LGSN: variants seen among roughly 807,000 people sequenced by gnomAD.
The protein encoded by LGSN is lengsin.
A neutral mutation model predicts 19.5 loss-of-function variants in LGSN; 21 were observed. That is an observed-to-expected ratio of 1.07 (90% confidence interval 0.76 to 1.55). The LOEUF (loss-of-function observed/expected upper bound fraction) is 1.55. Among genes scored for constraint, LGSN ranks in the 40% most tolerant of loss-of-function variants. LGSN has a pLI of 0.00. For synonymous variants in LGSN, 257 were observed against 215.6 expected, an observed-to-expected ratio of 1.19 and a Z score of -1.68; for missense variants, 673 against 608.5, an observed-to-expected ratio of 1.11 and a Z score of -1.12.
the LGSN span, among the ~76,000 whole-genome samples, chr6:63,351,113 TAA>T: frequency 6.6e-6 from 1 of 152,048 alleles, no homozygotes; most frequent in African/African-American, 2.4e-5. Flanking sequence ...AGTGTCTTTA[TAA>T]AAGAGACCCC....
chr6:63,490,045 A>C, the LGSN span, among the ~76,000 whole-genome samples: 32 of 152,208 alleles, frequency 2.1e-4, no homozygotes, highest in Non-Finnish European at 3.4e-4. Context: ...ATAATTGAGA[A>C]AATGCTATCT....
the LGSN span, among the ~76,000 whole-genome samples, chr6:63,511,254 T>TG: frequency 5.7e-5 from 2 of 35,242 alleles, no homozygotes; most frequent in Non-Finnish European, 9.4e-5. Flanking sequence ...TTCTTTTTTT[T>TG]TTTTTTTTTT....
At chr6:63,450,012 GC>G in the LGSN span, among the ~76,000 whole-genome samples, 1 of 151,964 alleles carries the variant, frequency 6.6e-6, no homozygotes, top group Non-Finnish European at 1.5e-5. Flanking sequence ...AAAGAACAAA[GC>G]CCTCATCTTC....
the LGSN span, among the ~76,000 whole-genome samples, chr6:63,552,303 ATG>A: frequency 6.6e-6 from 1 of 151,932 alleles, no homozygotes; most frequent in Non-Finnish European, 1.5e-5. Flanking sequence ...GCATTTTTTC[ATG>A]TGTTTTTTTG....
At chr6:63,452,152 T>TATTCC in the LGSN span, among the ~76,000 whole-genome samples, 3 of 151,798 alleles carry the variant, frequency 2.0e-5, no homozygotes, top group Non-Finnish European at 4.4e-5. Context: ...GAAGAGTTTG[T>TATTCC]GGAGAATTAG....
chr6:63,279,369 C>T lies in LGSN; in HGVS notation c.*652G>A, dbSNP rs1767199812. On this transcript the variant is annotated 3_prime_UTR_variant, in exon 4 of 4. Coordinates refer to ENST00000370657, the MANE Select transcript of LGSN (RefSeq NM_016571.3). ...CGTTGTTCTCAGCTCCAATTCTATTCCTTAGGGATTTGTTTCTTGAGGACA... is the reference window on the plus strand; with the variant it reads ...CGTTGTTCTCAGCTCCAATTCTATTTCTTAGGGATTTGTTTCTTGAGGACA... 6.6e-6 allele frequency: 1 copy of T among 152,194 alleles called. No homozygotes were observed. The highest frequency in any genetic ancestry group is 1.5e-5 in the Non-Finnish European group (1 of 68,058). 9.4% of individuals were successfully genotyped at this position (152,194 alleles called of 1,614,324 possible).
the LGSN span, among the ~76,000 whole-genome samples, chr6:63,412,571 G>GAAAGAAAGA: frequency 1.1e-3 from 72 of 62,822 alleles, no homozygotes; most frequent in South Asian, 2.9e-3. Flanking sequence ...AGAAAGAAAG[G>GAAAGAAAGA]AAGGAAGGAA....
chr6:63,559,116 C>T, the LGSN span, among the ~76,000 whole-genome samples: 2 of 152,168 alleles, frequency 1.3e-5, no homozygotes, highest in African/African-American at 4.8e-5. Flanking sequence ...ATGATGTTCA[C>T]CATGTCCATT....
At chr6:63,355,359 A>G in the LGSN span, among the ~76,000 whole-genome samples, 1 of 152,236 alleles carries the variant, frequency 6.6e-6, no homozygotes, top group African/African-American at 2.4e-5. Context: ...AAGAAAATGT[A>G]CTTTGTCTCT....
the LGSN span, among the ~76,000 whole-genome samples, chr6:63,444,015 T>C: frequency 6.6e-6 from 1 of 151,654 alleles, no homozygotes; most frequent in Non-Finnish European, 1.5e-5. Flanking sequence ...AAACAAAAAA[T>C]GCCACTGTCC....
the LGSN span, among the ~76,000 whole-genome samples, chr6:63,513,382 G>T: frequency 2.0e-5 from 3 of 150,220 alleles, no homozygotes; most frequent in South Asian, 6.3e-4. Flanking sequence ...AAGTGTTATG[G>T]AGCCACACAC....
the LGSN span, among the ~76,000 whole-genome samples, chr6:63,428,720 T>C: frequency 6.6e-6 from 1 of 152,320 alleles, no homozygotes; most frequent in Non-Finnish European, 1.5e-5. Context: ...ATAGACAATC[T>C]TGTGACCCAG....
At chr6:63,530,407 A>T in the LGSN span, among the ~76,000 whole-genome samples, 6 of 152,316 alleles carry the variant, frequency 3.9e-5, no homozygotes, top group Admixed American at 6.5e-5. Flanking sequence ...CCTGCCTTTT[A>T]TTCCCAAATC....
chr6:63,361,780 A>G, the LGSN span, among the ~76,000 whole-genome samples: 1 of 152,134 alleles, frequency 6.6e-6, no homozygotes, highest in Non-Finnish European at 1.5e-5. Context: ...AGCTGTTCCT[A>G]TTCGACCATC....
chr6:63,355,813 G>A, the LGSN span, among the ~76,000 whole-genome samples: 2 of 152,160 alleles, frequency 1.3e-5, no homozygotes, highest in South Asian at 4.1e-4. Context: ...CAAGTAGCTT[G>A]GATTACAACA....
At position 63,280,829 on chromosome 6, in the gene LGSN, T is replaced by C; in HGVS notation, c.722A>G (p.Gln241Arg). ...GTGATACAAGCCATCAACAAGTTCC[T>C]GCATGAAGGGCTGATCATGGTTATT... ...FLNNHDQPFM[Q>R]ELVDGLYHTG... Residue 241 changes from glutamine (Q) to arginine (R), a missense_variant, in exon 4 of 4, where the codon CAG (glutamine) becomes CGG (arginine). By Grantham distance (43) the Gln-to-Arg change is conservative. Coordinates refer to ENST00000370657, the MANE Select transcript of LGSN (RefSeq NM_016571.3). 1 of 1,614,078 alleles carries C rather than the reference T, an allele frequency of 6.2e-7. No homozygotes were observed. The highest frequency in any genetic ancestry group is 1.7e-5 in the Admixed American group (1 of 60,020).
chr6:63,381,175 C>T, the LGSN span, among the ~76,000 whole-genome samples: 2 of 152,152 alleles, frequency 1.3e-5, no homozygotes, highest in Non-Finnish European at 2.9e-5. Flanking sequence ...GTGCTCCAGC[C>T]TGGGTGACAG....
chr6:63,520,421 G>A, the LGSN span, among the ~76,000 whole-genome samples: 1 of 152,154 alleles, frequency 6.6e-6, no homozygotes, highest in Non-Finnish European at 1.5e-5. Context: ...GAGGCCAGGA[G>A]TTCAAGACCA....
chr6:63,482,891 G>A, the LGSN span, among the ~76,000 whole-genome samples: 1 of 152,112 alleles, frequency 6.6e-6, no homozygotes, highest in African/African-American at 2.4e-5. Flanking sequence ...AGTAGAGACG[G>A]GGTTTCGCCA....
Sources: allele counts gnomAD v4.1 joint callset (sites outside exome capture counted in the v4.1 genomes callset), GRCh38; gene constraint gnomAD v4.1.1; transcripts MANE v1.5; gene names NCBI Gene and HGNC (gene_info 2026-07-23, HGNC 2026-07-21).